Variants in GTPBP4 observed in about 807,000 individuals in gnomAD.
The protein encoded by GTPBP4 is GTP-binding protein 4.
In GTPBP4, 15 loss-of-function variants were observed where a neutral mutation model predicts 81.7. The observed-to-expected ratio is 0.18, with a 90% CI of 0.12 to 0.28. The LOEUF (loss-of-function observed/expected upper bound fraction) is 0.28. Among genes scored for constraint, GTPBP4 ranks in the 10% least tolerant of loss-of-function variants. The pLI is 1.00. For missense variants in GTPBP4, 847 were observed against 793.8 expected (o/e 1.07, Z -0.81); for synonymous variants, 272 against 274.6 (o/e 0.99, Z 0.09).
chr10:1,002,573 A>G (rs543478437), intron 8 of GTPBP4, among the ~76,000 whole-genome samples: 22 of 152,252 alleles, frequency 1.4e-4, no homozygotes, highest in African/African-American at 5.3e-4. Flanking sequence ...GGACTTTCTT[A>G]AGTATATCTT....
At chr10:995,471 G>T (rs2132157513) in intron 2 of GTPBP4, among the ~76,000 whole-genome samples, 1 of 137,890 alleles carries the variant, frequency 7.3e-6, no homozygotes, top group Non-Finnish European at 1.5e-5. Context: ...TCAAGAGAGG[G>T]AGGAGAGGAG....
intron 2 of GTPBP4, among the ~76,000 whole-genome samples, chr10:994,714 G>A (rs2132156922): frequency 6.6e-6 from 1 of 152,338 alleles, no homozygotes; most frequent in East Asian, 1.9e-4. Flanking sequence ...ATAGCCATCA[G>A]AGGTAGGAGA....
At chr10:1,011,478 A>G (rs892940778) in intron 13 of GTPBP4, among the ~76,000 whole-genome samples, 2 of 150,260 alleles carry the variant, frequency 1.3e-5, no homozygotes, top group African/African-American at 5.0e-5. Context: ...CTCTCAGCTG[A>G]GCTCTCTGGA....
chr10:994,420 G>A (rs937635741), intron 2 of GTPBP4, among the ~76,000 whole-genome samples: 1 of 151,818 alleles, frequency 6.6e-6, no homozygotes, highest in African/African-American at 2.4e-5. Flanking sequence ...AGGCATGTGC[G>A]ACTATACCCG....
intron 8 of GTPBP4, among the ~76,000 whole-genome samples, chr10:1,001,986 C>T (rs1358804993): frequency 3.3e-5 from 5 of 150,642 alleles, no homozygotes; most frequent in African/African-American, 7.4e-5. Flanking sequence ...TGCAGTGGCA[C>T]GGTCTCGGCT....
chr10:1,008,819 A>C (rs184019918), intron 10 of GTPBP4, 139 bp from the exon 11 acceptor site: 243 of 724,130 alleles, frequency 3.4e-4, no homozygotes, highest in Non-Finnish European at 5.6e-4. Context: ...CCCCTAAAAT[A>C]ATCTGTTGGT....
intron 15 of GTPBP4, among the ~76,000 whole-genome samples, chr10:1,015,360 T>C (rs12784042): frequency 2.7e-5 from 2 of 74,040 alleles, no homozygotes; most frequent in East Asian, 4.4e-4. Context: ...TGAGCCTGGG[T>C]GCGGGGCTGG....
chr10:1,014,633 T>C (rs1831942787), intron 15 of GTPBP4, among the ~76,000 whole-genome samples: 1 of 152,176 alleles, frequency 6.6e-6, no homozygotes, highest in Non-Finnish European at 1.5e-5. Flanking sequence ...TACTCCAGCC[T>C]GGGCGACAGA....
chr10:1,010,668 C>G, intron 13 of GTPBP4, 148 bp downstream of exon 13: 1 of 670,574 alleles, frequency 1.5e-6, no homozygotes, highest in Non-Finnish European at 2.7e-6. Flanking sequence ...ACCACTTCCC[C>G]ACCCTGAGAC....
intron 2 of GTPBP4, 134 bp from the exon 3 acceptor site, chr10:995,795 C>T (rs1831527897): frequency 4.9e-6 from 3 of 613,546 alleles, no homozygotes; most frequent in Non-Finnish European, 8.8e-6. Flanking sequence ...ATAGACAGGG[C>T]CCCTGGCCAG....
chr10:1,014,198 C>A, intron 14 of GTPBP4, 49 bp from the exon 15 acceptor site: 1 of 1,196,458 alleles, frequency 8.4e-7, no homozygotes, highest in Non-Finnish European at 1.2e-6. Flanking sequence ...TTTTTTTCAA[C>A]ATTTCATCAA....
intron 1 of GTPBP4, among the ~76,000 whole-genome samples, chr10:989,673 A>T (rs1212545744): frequency 6.6e-6 from 1 of 151,970 alleles, no homozygotes; most frequent in Non-Finnish European, 1.5e-5. Context: ...TTGTTTCCCC[A>T]CTTCTCTCCA....
intron 10 of GTPBP4, chr10:1,007,938 A>G (rs771616094): frequency 1.7e-5 from 9 of 517,946 alleles, no homozygotes; most frequent in Admixed American, 1.9e-5. Flanking sequence ...CTTTTGTATT[A>G]CAAAGGTTGG....
chr10:995,388 A>G (rs78599773), intron 2 of GTPBP4, among the ~76,000 whole-genome samples: 5,403 of 152,096 alleles, frequency 0.036, 319 homozygotes, highest in African/African-American at 0.12. Flanking sequence ...AGAATTGGTC[A>G]TTGGGAGGTC....
chr10:1,015,948 T>C, intron 16 of GTPBP4, 52 bp downstream of exon 16: 1 of 1,508,794 alleles, frequency 6.6e-7, no homozygotes, highest in East Asian at 2.3e-5. Flanking sequence ...TGTTGTTTAT[T>C]GCACAGGGTT....
chr10:1,007,302 A>C lies in GTPBP4; in HGVS notation c.1113+174A>C, dbSNP rs746181800. On this transcript the variant is annotated intron_variant, in intron 10 of 16. Transcript: ENST00000360803. ...AGGATCGAGAAGGTGAAGAAAGTGCAGAACGCCACATGGCACCCGTTTCCC... is the reference window on the plus strand; with the variant it reads ...AGGATCGAGAAGGTGAAGAAAGTGCCGAACGCCACATGGCACCCGTTTCCC... The C allele has an allele frequency of 2.2e-5, 12 of 558,102 alleles. No individual in the cohort carries two copies. In the South Asian group the frequency reaches 2.8e-4, roughly 13 times the overall value. 34.6% of individuals were successfully genotyped at this position (558,102 alleles called of 1,614,324 possible).
intron 13 of GTPBP4, 131 bp from the exon 14 acceptor site, chr10:1,012,334 T>C (rs1831893196): frequency 3.3e-6 from 2 of 614,362 alleles, no homozygotes; most frequent in Non-Finnish European, 5.7e-6. Flanking sequence ...AGGGCCCAGG[T>C]GGGTCTGGAC....
intron 10 of GTPBP4, 51 bp downstream of exon 10, chr10:1,007,179 C>T (rs1448606162): frequency 2.0e-6 from 2 of 999,108 alleles, no homozygotes; most frequent in East Asian, 4.8e-5. Context: ...TCAGCAGGTG[C>T]TGTCTGCGTG....
intron 16 of GTPBP4, among the ~76,000 whole-genome samples, chr10:1,016,218 CA>C (rs1564472635): frequency 6.6e-6 from 1 of 151,766 alleles, no homozygotes; most frequent in East Asian, 1.9e-4. Context: ...AGCTGAGCAC[CA>C]GGAGGCCTCA....
Sources: gnomAD v4.1 joint callset for allele counts (sites outside exome capture counted in the v4.1 genomes callset) on GRCh38, gnomAD v4.1.1 for gene constraint, MANE v1.5 for transcripts, NCBI Gene and HGNC (gene_info 2026-07-23, HGNC 2026-07-21) for gene names.